RGS6: variants seen among roughly 807,000 people sequenced by gnomAD.
RGS6 encodes regulator of G protein signaling 6, also known as regulator of G-protein signaling 6.
RGS6 carries 30 observed loss-of-function variants against 78.5 expected under a neutral mutation model. That is an observed-to-expected ratio of 0.38 (90% CI 0.29 to 0.52). RGS6 has a LOEUF of 0.52. RGS6 is among the 20% of genes least tolerant of loss of function. The pLI is 0.85. For synonymous variants in RGS6, 206 were observed against 206.0 expected (o/e 1.00, Z 0.00); for missense variants, 495 against 609.7 (o/e 0.81, Z 1.98).
chr14:71,980,297 T>C (rs1378827577), intron 2 of RGS6, among the ~76,000 whole-genome samples: 5 of 133,512 alleles, frequency 3.7e-5, no homozygotes, highest in Non-Finnish European at 8.0e-5. Context: ...AATTTGATCC[T>C]GTCATTATGA....
chr14:72,121,994 A>T (rs371490125), intron 2 of RGS6, among the ~76,000 whole-genome samples: 1 of 152,118 alleles, frequency 6.6e-6, no homozygotes, highest in African/African-American at 2.4e-5. Flanking sequence ...GATATTGCTT[A>T]TCTTCCTACA....
intron 2 of RGS6, among the ~76,000 whole-genome samples, chr14:72,080,818 TATTGACC>T (rs1364428519): frequency 6.6e-6 from 1 of 152,004 alleles, no homozygotes; most frequent in Non-Finnish European, 1.5e-5. Context: ...TAAAAAAATC[TATTGACC>T]ATTGACTATG....
chr14:72,380,401 A>C (rs2085759300), intron 3 of RGS6, among the ~76,000 whole-genome samples: 1 of 152,000 alleles, frequency 6.6e-6, no homozygotes, highest in African/African-American at 2.4e-5. Flanking sequence ...GAGAAAATAT[A>C]TTCAAACTTT....
intron 2 of RGS6, among the ~76,000 whole-genome samples, chr14:72,258,881 G>C (rs532795305): frequency 6.6e-6 from 1 of 152,292 alleles, no homozygotes; most frequent in African/African-American, 2.4e-5. Flanking sequence ...CTTTTGTGCA[G>C]ATCTATATGC....
intron 2 of RGS6, among the ~76,000 whole-genome samples, chr14:72,147,932 C>A (rs181161224): frequency 2.0e-5 from 3 of 152,050 alleles, no homozygotes; most frequent in African/African-American, 7.2e-5. Flanking sequence ...GAGATTGAGA[C>A]CATCCTGGCT....
the RGS6 span, among the ~76,000 whole-genome samples, chr14:71,891,140 A>G: frequency 2.0e-5 from 3 of 152,364 alleles, no homozygotes; most frequent in African/African-American, 7.2e-5. Context: ...TGCAGTTCAT[A>G]GAATATTGTA....
intron 2 of RGS6, among the ~76,000 whole-genome samples, chr14:72,117,322 TG>T (rs1299729837): frequency 6.6e-6 from 1 of 152,072 alleles, no homozygotes; most frequent in East Asian, 1.9e-4. Flanking sequence ...ATGAATGTCT[TG>T]GTGTCCTCCC....
At chr14:72,219,059 A>C (rs572264849) in intron 2 of RGS6, among the ~76,000 whole-genome samples, 2 of 151,868 alleles carry the variant, frequency 1.3e-5, no homozygotes, top group Non-Finnish European at 2.9e-5. Context: ...TGTAAAGTGC[A>C]TTATGGAGAA....
chr14:72,607,794 C>T, the RGS6 span, among the ~76,000 whole-genome samples: 3 of 152,172 alleles, frequency 2.0e-5, no homozygotes, highest in Non-Finnish European at 4.4e-5. Flanking sequence ...CCCTCTGGTC[C>T]CTGAATGCGA....
chr14:72,475,386 G>A (rs1426788533), intron 10 of RGS6, among the ~76,000 whole-genome samples: 4 of 151,840 alleles, frequency 2.6e-5, no homozygotes, highest in Non-Finnish European at 5.9e-5. Flanking sequence ...CCTCTCCACA[G>A]CACCAGGGAC....
chr14:72,605,793 GT>G, the RGS6 span, among the ~76,000 whole-genome samples: 1 of 152,234 alleles, frequency 6.6e-6, no homozygotes, highest in South Asian at 2.1e-4. Context: ...ACATCCATTT[GT>G]GCATGGCAGA....
chr14:72,345,365 T>A (rs1350532565), intron 2 of RGS6, among the ~76,000 whole-genome samples: 1 of 152,228 alleles, frequency 6.6e-6, no homozygotes, highest in African/African-American at 2.4e-5. Context: ...TTACTTTCCA[T>A]GAAAAGCATT....
At chr14:71,992,616 T>C (rs2095011742) in intron 2 of RGS6, among the ~76,000 whole-genome samples, 1 of 152,346 alleles carries the variant, frequency 6.6e-6, no homozygotes, top group Middle Eastern at 3.4e-3. Context: ...TAAATTTGTT[T>C]GATTTTTAGA....
At chr14:72,511,327 A>C (rs377193198) in intron 14 of RGS6, among the ~76,000 whole-genome samples, 182 of 152,330 alleles carry the variant, frequency 1.2e-3, no homozygotes, top group African/African-American at 4.3e-3. Flanking sequence ...TGCCCCTCCA[A>C]AGTTAATGTG....
Position 72,075,390 on chromosome 14 carries a change from A to G in RGS6, c.84+110515A>G, listed in dbSNP as rs147233609. ...TAAATACGATACAGCCTTGCATTTG[A>G]CAATTTTATGGTGTGTATGTATTTA... On this transcript the variant is annotated intron_variant, in intron 2 of 17. Transcript: ENST00000553525. 4.5e-4 allele frequency among the ~76,000 whole-genome samples: 69 copies of G among 152,284 alleles called. 1 individual carries two copies. The highest frequency in any genetic ancestry group is 4.3e-3 in the Admixed American group (66 of 15,286).
At chr14:72,306,371 A>G (rs549101118) in intron 2 of RGS6, among the ~76,000 whole-genome samples, 9 of 152,378 alleles carry the variant, frequency 5.9e-5, no homozygotes, top group African/African-American at 1.7e-4. Flanking sequence ...TATCCATTCT[A>G]TAGCCCTGGA....
intron 2 of RGS6, among the ~76,000 whole-genome samples, chr14:72,238,955 A>G (rs562764691): frequency 7.4e-4 from 113 of 152,344 alleles, no homozygotes; most frequent in Non-Finnish European, 1.5e-3. Flanking sequence ...GCAATTCCAT[A>G]TGGATCTGCA....
intron 2 of RGS6, among the ~76,000 whole-genome samples, chr14:72,087,040 G>A (rs1384442451): frequency 1.3e-5 from 2 of 152,162 alleles, no homozygotes; most frequent in East Asian, 1.9e-4. Context: ...ATTATAAAAT[G>A]TTAAGTTAGG....
chr14:72,207,919 G>C (rs938678959), intron 2 of RGS6, among the ~76,000 whole-genome samples: 1 of 152,176 alleles, frequency 6.6e-6, no homozygotes. Context: ...TTAATTGGAG[G>C]AAGTGAATGA....
Sources: gnomAD v4.1 joint callset for allele counts (sites outside exome capture counted in the v4.1 genomes callset) on GRCh38, gnomAD v4.1.1 for gene constraint, MANE v1.5 for transcripts, NCBI Gene and HGNC (gene_info 2026-07-23, HGNC 2026-07-21) for gene names.